Variants in CHD9NB observed in about 807,000 individuals in gnomAD.
CHD9NB encodes CHD9 neighbor protein.
the CHD9NB span, among the ~76,000 whole-genome samples, chr16:53,038,605 C>T: frequency 7.2e-5 from 11 of 152,212 alleles, no homozygotes; most frequent in Admixed American, 7.2e-4. Flanking sequence ...CCCACCTCGG[C>T]CTCCCAAAGT....
At chr16:53,052,720 A>G in the CHD9NB span, 1 of 153,236 alleles carries the variant, frequency 6.5e-6, no homozygotes, top group Non-Finnish European at 1.5e-5. Context: ...CAGACACTTT[A>G]AAGTGAAAGA....
chr16:53,042,017 T>A, the CHD9NB span, among the ~76,000 whole-genome samples: 1 of 152,220 alleles, frequency 6.6e-6, no homozygotes, highest in Non-Finnish European at 1.5e-5. Context: ...AATTTCAGGC[T>A]GAACTGCTTT....
the CHD9NB span, among the ~76,000 whole-genome samples, chr16:53,044,739 A>G: frequency 6.6e-6 from 1 of 152,202 alleles, no homozygotes; most frequent in Non-Finnish European, 1.5e-5. Context: ...CTGTGCCAAG[A>G]ACAGTTCACA....
At chr16:53,043,921 G>A in the CHD9NB span, 1 of 398,316 alleles carries the variant, frequency 2.5e-6, no homozygotes, top group Non-Finnish European at 4.4e-6. Context: ...AGCTTCTCAG[G>A]GTGGGGATTG....
the CHD9NB span, chr16:53,042,628 C>G: frequency 2.0e-5 from 3 of 151,012 alleles, 1 homozygote; most frequent in South Asian, 4.3e-4. Context: ...AAAAGTCCCT[C>G]AATGCATCAC....
the CHD9NB span, among the ~76,000 whole-genome samples, chr16:53,049,767 G>A: frequency 1.3e-5 from 2 of 152,196 alleles, no homozygotes; most frequent in East Asian, 3.9e-4. Flanking sequence ...AAGGCAGGTA[G>A]TGGTCATGGT....
At chr16:53,040,411 T>C in the CHD9NB span, among the ~76,000 whole-genome samples, 1 of 152,200 alleles carries the variant, frequency 6.6e-6, no homozygotes, top group East Asian at 1.9e-4. Flanking sequence ...TTTACCTCCC[T>C]GTCCCTGTGC....
the CHD9NB span, among the ~76,000 whole-genome samples, chr16:53,040,088 C>T: frequency 1.9e-4 from 29 of 151,708 alleles, no homozygotes; most frequent in East Asian, 4.9e-3. Context: ...TTTTTTGGTA[C>T]GGAGTCTCAC....
chr16:53,036,422 A>G, the CHD9NB span, among the ~76,000 whole-genome samples: 6 of 152,050 alleles, frequency 3.9e-5, no homozygotes, highest in Non-Finnish European at 8.8e-5. Context: ...TATCTACTCC[A>G]CCTGCCCTTT....
At chr16:53,051,513 G>A in the CHD9NB span, among the ~76,000 whole-genome samples, 4 of 150,042 alleles carry the variant, frequency 2.7e-5, no homozygotes, top group African/African-American at 4.9e-5. Flanking sequence ...GCAAATGATC[G>A]CAAGGACAAA....
chr16:53,041,226 G>C, the CHD9NB span, among the ~76,000 whole-genome samples: 1 of 152,230 alleles, frequency 6.6e-6, no homozygotes, highest in African/African-American at 2.4e-5. Flanking sequence ...GCCTTTGCAG[G>C]CCTGTTTTTC....
chr16:53,048,337 G>A, the CHD9NB span, among the ~76,000 whole-genome samples: 3 of 151,946 alleles, frequency 2.0e-5, no homozygotes, highest in African/African-American at 4.8e-5. Context: ...TCTGGGAGGT[G>A]GAAGAGTTAG....
At chr16:53,038,795 T>C in the CHD9NB span, among the ~76,000 whole-genome samples, 1 of 152,114 alleles carries the variant, frequency 6.6e-6, no homozygotes, top group Non-Finnish European at 1.5e-5. Context: ...TTGGGATCAG[T>C]GAATGGATTA....
the CHD9NB span, among the ~76,000 whole-genome samples, chr16:53,039,961 A>G: frequency 3.3e-5 from 5 of 152,144 alleles, no homozygotes; most frequent in Admixed American, 3.3e-4. Flanking sequence ...TAACCAGTCA[A>G]AAGCCACTGA....
the CHD9NB span, among the ~76,000 whole-genome samples, chr16:53,049,404 G>A: frequency 1.8e-4 from 28 of 151,864 alleles, 1 homozygote; most frequent in African/African-American, 5.3e-4. Context: ...TCGAACTCCT[G>A]GCATCAAGTG....
At chr16:53,036,426 G>A in the CHD9NB span, among the ~76,000 whole-genome samples, 2 of 152,152 alleles carry the variant, frequency 1.3e-5, no homozygotes, top group Admixed American at 1.3e-4. Flanking sequence ...TACTCCACCT[G>A]CCCTTTACAT....
chr16:53,051,763 GTATAAA>G, the CHD9NB span, among the ~76,000 whole-genome samples: 50 of 87,172 alleles, frequency 5.7e-4, no homozygotes, highest in African/African-American at 3.2e-3. Flanking sequence ...CAACTTAAAA[GTATAAA>G]TATATATATA....
the CHD9NB span, among the ~76,000 whole-genome samples, chr16:53,048,456 A>C: frequency 6.6e-6 from 1 of 152,302 alleles, no homozygotes; most frequent in East Asian, 1.9e-4. Context: ...ATTTTTAAAG[A>C]TCAAACAACA....
the CHD9NB span, among the ~76,000 whole-genome samples, chr16:53,048,575 C>A: frequency 8.1e-4 from 124 of 152,354 alleles, 2 homozygotes; most frequent in African/African-American, 2.8e-3. Context: ...CACTCACTTA[C>A]TCATTCAAAC....
Sources: allele counts gnomAD v4.1 joint callset (sites outside exome capture counted in the v4.1 genomes callset), GRCh38; gene constraint gnomAD v4.1.1; transcripts MANE v1.5; gene names NCBI Gene and HGNC (gene_info 2026-07-23, HGNC 2026-07-21).